Variants in TRIP12 observed in about 807,000 individuals in gnomAD.
The protein encoded by TRIP12 is E3 ubiquitin-protein ligase TRIP12.
TRIP12 carries 25 observed loss-of-function variants against 244.2 expected under a neutral mutation model. The observed-to-expected ratio is 0.10, with a 90% CI of 0.07 to 0.14. The LOEUF is 0.14. Ranked by LOEUF, TRIP12 falls within the 10% of genes least tolerant of loss-of-function variation. TRIP12 has a pLI of 1.00. For missense variants in TRIP12, 1,677 were observed against 2,486.4 expected, an observed-to-expected ratio of 0.67 and a Z score of 6.92; for synonymous variants, 905 against 873.1, an observed-to-expected ratio of 1.04 and a Z score of -0.64.
chr2:229,867,702 G>C (rs1044353919), intron 2 of TRIP12, among the ~76,000 whole-genome samples: 2 of 152,154 alleles, frequency 1.3e-5, no homozygotes, highest in Non-Finnish European at 1.5e-5. Context: ...CTTTTTAAAA[G>C]TGGTTTGGAG....
chr2:229,877,906 GAAT>G (rs1430428363), intron 2 of TRIP12, among the ~76,000 whole-genome samples: 1 of 152,184 alleles, frequency 6.6e-6, no homozygotes, highest in African/African-American at 2.4e-5. Context: ...ATTACAGGAG[GAAT>G]AATATTTTAA....
At chr2:229,915,687 T>C (rs998902059) in intron 1 of TRIP12, among the ~76,000 whole-genome samples, 12 of 126,876 alleles carry the variant, frequency 9.5e-5, no homozygotes, top group African/African-American at 2.8e-4. Flanking sequence ...AATACTATTG[T>C]ATACTAAAAA....
At chr2:229,860,730 C>T (rs1480167942) in intron 2 of TRIP12, among the ~76,000 whole-genome samples, 199 bp from the exon 3 acceptor site, 1 of 152,024 alleles carries the variant, frequency 6.6e-6, no homozygotes, top group East Asian at 1.9e-4. Context: ...CAGAACCACC[C>T]CCGCCCCGCA....
At chr2:229,885,172 A>T (rs2065756892) in intron 1 of TRIP12, among the ~76,000 whole-genome samples, 1 of 152,200 alleles carries the variant, frequency 6.6e-6, no homozygotes, top group Admixed American at 6.5e-5. Flanking sequence ...AGGAACAGGT[A>T]TGTTACAAAC....
At chr2:229,909,390 A>C (rs56026429) in intron 1 of TRIP12, among the ~76,000 whole-genome samples, 55,217 of 150,012 alleles carry the variant, frequency 0.37, 10,207 homozygotes, top group Middle Eastern at 0.52. Flanking sequence ...CACACACACA[A>C]AAAAAAAAAA....
intron 1 of TRIP12, among the ~76,000 whole-genome samples, chr2:229,898,364 A>C (rs1433631013): frequency 6.6e-6 from 1 of 152,244 alleles, no homozygotes; most frequent in Admixed American, 6.5e-5. Flanking sequence ...AAGTAACAAC[A>C]ATGTACAAAG....
intron 33 of TRIP12, among the ~76,000 whole-genome samples, chr2:229,786,784 C>T (rs921074657): frequency 6.6e-6 from 1 of 151,990 alleles, no homozygotes; most frequent in Non-Finnish European, 1.5e-5. Flanking sequence ...ATACACTTCA[C>T]TCCCTGCCAT....
chr2:229,771,665 A>G (rs1408226610), intron 38 of TRIP12, 33 bp from the exon 39 acceptor site: 1 of 1,519,678 alleles, frequency 6.6e-7, no homozygotes, highest in Non-Finnish European at 9.1e-7. Context: ...AAACTGTGAC[A>G]AGATTTCAAA....
intron 4 of TRIP12, among the ~76,000 whole-genome samples, chr2:229,849,097 C>A (rs370734215): frequency 1.3e-5 from 2 of 152,146 alleles, no homozygotes; most frequent in East Asian, 3.8e-4. Flanking sequence ...ATCCAGAGGC[C>A]TCATTTCTTC....
At chr2:229,826,074 T>C (rs181738678) in intron 8 of TRIP12, among the ~76,000 whole-genome samples, 2 of 152,238 alleles carry the variant, frequency 1.3e-5, no homozygotes, top group Admixed American at 6.5e-5. Context: ...GAGTGAAAAA[T>C]AATTTTTCCT....
chr2:229,768,767 G>C (rs374885740), intron 40 of TRIP12, 48 bp from the exon 41 acceptor site: 8 of 1,523,488 alleles, frequency 5.3e-6, no homozygotes, highest in African/African-American at 2.8e-5. Context: ...GGTTAAAATA[G>C]AGTTTTAATC....
chr2:229,922,659 G>A (rs756986680), upstream of TRIP12: 3 of 1,590,458 alleles, frequency 1.9e-6, no homozygotes, highest in African/African-American at 4.0e-5. Context: ...TACCTGGCCC[G>A]GTTGGGGCCC....
At chr2:229,806,085 T>C (rs1575272128) in intron 17 of TRIP12, 1 of 431,972 alleles carries the variant, frequency 2.3e-6, no homozygotes, top group African/African-American at 1.9e-5. Flanking sequence ...AGACATAGGT[T>C]ACATGCCTCA....
In TRIP12 at chr2:229,859,199, C is replaced by G; in HGVS notation, c.600G>C (p.Lys200Asn). The G allele has an allele frequency of 6.2e-7, 1 of 1,614,166 alleles. No homozygotes were observed. Among genetic ancestry groups the G allele is most frequent in the Admixed American group, 1.7e-5 (1 of 60,028 alleles). ...KRKRTESSCV[K>N]SGSGSESTGA... ...CAGTTGATTCAGACCCGGAGCCACT[C>G]TTTACACAAGAACTCTCTGTCCTTT... Residue 200 changes from lysine to asparagine, a missense_variant, in exon 4 of 42, where the codon AAG becomes AAC. This residue lies in a region of TRIP12 where 387 missense variants were observed against 392.6 expected (regional missense o/e 0.99). Coordinates refer to ENST00000675903, the MANE Select transcript of TRIP12 (RefSeq NM_001348323.3).
intron 12 of TRIP12, 54 bp from the exon 13 acceptor site, chr2:229,814,085 A>G: frequency 7.2e-6 from 11 of 1,527,410 alleles, no homozygotes; most frequent in Admixed American, 1.9e-5. Context: ...AGCAATAAAA[A>G]ATAATTTAAC....
chr2:229,802,412 T>C lies in TRIP12; in HGVS notation c.3046A>G (p.Thr1016Ala). ...KHLAESESLL[T>A]SPPKACTNGS... ...TTCGTACATGCCTTTGGTGGACTTG[T>C]CAACAAAGACTCTGATTCTGCTAAG... Residue 1016 changes from threonine (T) to alanine (A), a missense_variant, in exon 21 of 42, where the codon ACA becomes GCA. Transcript: ENST00000675903. The C allele has an allele frequency of 6.2e-7, 1 of 1,614,038 alleles. No individual in the cohort carries two copies. Among genetic ancestry groups the C allele is most frequent in the Non-Finnish European group, 8.5e-7 (1 of 1,179,976 alleles).
At chr2:229,884,483 C>G (rs2065585413) in intron 1 of TRIP12, among the ~76,000 whole-genome samples, 1 of 152,024 alleles carries the variant, frequency 6.6e-6, no homozygotes, top group Non-Finnish European at 1.5e-5. Context: ...GTGATCCGCC[C>G]ACCTCGGCCT....
At chr2:229,866,159 T>C (rs1406351057) in intron 2 of TRIP12, among the ~76,000 whole-genome samples, 2 of 152,302 alleles carry the variant, frequency 1.3e-5, no homozygotes, top group Non-Finnish European at 2.9e-5. Flanking sequence ...GGCAGTGACA[T>C]AGGTGAAAAA....
chr2:229,768,602 A>C lies in TRIP12; in HGVS notation c.6007+14T>G, dbSNP rs2154225296. The C allele has an allele frequency of 6.2e-7, 1 of 1,608,792 alleles. No individual in the cohort carries two copies. The highest frequency in any genetic ancestry group is 2.2e-5 in the East Asian group (1 of 44,820). ...ATAGGTAGAATAAATGCTAAACATC[A>C]ACATCGTACCCACCTCCAACAGGCA... On this transcript the variant is annotated intron_variant, in intron 41 of 41. Coordinates refer to ENST00000675903, the MANE Select transcript of TRIP12 (RefSeq NM_001348323.3).
Sources: allele counts gnomAD v4.1 joint callset (sites outside exome capture counted in the v4.1 genomes callset), GRCh38; gene constraint gnomAD v4.1.1; regional missense constraint gnomAD v4.1.1; transcripts MANE v1.5; gene names NCBI Gene and HGNC (gene_info 2026-07-23, HGNC 2026-07-21).